Variants in CPT1C observed in about 807,000 individuals in gnomAD.
CPT1C encodes the protein palmitoyl thioesterase CPT1C.
In CPT1C, 61 loss-of-function variants were observed where a neutral mutation model predicts 97.3. The ratio of observed to expected loss-of-function variants is 0.63; its 90% CI spans 0.51 to 0.78. CPT1C has a LOEUF of 0.78. CPT1C is among the 30% of genes least tolerant of loss of function. The pLI is 0.00. For synonymous variants in CPT1C, 469 were observed against 447.2 expected, an observed-to-expected ratio of 1.05 and a Z score of -0.61; for missense variants, 975 against 1,065.5, an observed-to-expected ratio of 0.92 and a Z score of 1.18.
chr19:49,701,870 GTA>G (rs1350748839), intron 7 of CPT1C, among the ~76,000 whole-genome samples: 1 of 105,570 alleles, frequency 9.5e-6, no homozygotes, highest in Non-Finnish European at 1.9e-5. Context: ...AATATATAGT[GTA>G]TATATAAATA....
At chr19:49,711,461 A>C (rs1023461555) in intron 16 of CPT1C, 1 of 245,056 alleles carries the variant, frequency 4.1e-6, no homozygotes, top group Non-Finnish European at 7.9e-6. Context: ...GTGACTTGTG[A>C]CCTTCCTTTG....
At position 49,706,332 on chromosome 19, in the gene CPT1C, C is replaced by T. The variant is rs1259562071; in HGVS notation, c.1262C>T (p.Pro421Leu). The part of the protein sequence containing the change: ...AAFFVSLDAE[P>L]AGLTREDPAA... The stretch of plus-strand genomic sequence containing the variant: ...TTCTTTGTGTCACTGGATGCTGAGC[C>T]CGCGGGGCTCACCAGGGAGGACCCG... The change falls in exon 12 of 20, where the codon CCC (proline) becomes CTC (leucine). Residue 421 changes from proline to leucine, a missense_variant. Pro to Leu is a moderately conservative substitution (Grantham distance 98). This residue lies in a region of CPT1C where 596 missense variants were observed against 603.1 expected (regional missense o/e 0.99). Transcript: ENST00000598293. This position sits in a 1 kb window ranked among gnomAD's most constrained non-coding sequence, Gnocchi z 4.8. The T allele has an allele frequency of 2.0e-6, 3 of 1,528,596 alleles. No individual in the cohort carries two copies. Among genetic ancestry groups the T allele is most frequent in the Non-Finnish European group, 2.6e-6 (3 of 1,143,006 alleles). The allele number at this position is 1,528,596 out of a possible 1,614,324, so 94.7% of individuals were successfully genotyped here.
chr19:49,710,612 A>G (rs2083806237), intron 15 of CPT1C, 111 bp from the exon 16 acceptor site: 2 of 1,563,310 alleles, frequency 1.3e-6, no homozygotes, highest in Non-Finnish European at 1.8e-6. Flanking sequence ...CTCTCTTCCA[A>G]CCATTCTTGG....
Position 49,701,641 on chromosome 19 carries a change from C to T in CPT1C, c.693+7C>T, listed in dbSNP as rs775067676. On this transcript the variant is annotated splice_region_variant and intron_variant, in intron 7 of 19. Coordinates refer to ENST00000598293, the MANE Select transcript of CPT1C (RefSeq NM_001199753.2). ...CTGGTGGGCGTCCAATTATGTGAGT[C>T]CCGCCACCGCCACCAACGCCCCACC... is the stretch of plus-strand genomic sequence containing the variant. The T allele has an allele frequency of 1.9e-6, 3 of 1,587,962 alleles. No individual in the cohort carries two copies. Among genetic ancestry groups the T allele is most frequent in the South Asian group, 1.1e-5 (1 of 89,730 alleles).
chr19:49,704,909 C>T, intron 8 of CPT1C, 98 bp from the exon 9 acceptor site: 2 of 1,401,158 alleles, frequency 1.4e-6, no homozygotes, highest in Non-Finnish European at 2.0e-6. Flanking sequence ...TTCATCATTC[C>T]ACCCTCTTTT....
At chr19:49,705,192 C>T in intron 9 of CPT1C, 22 bp from the exon 10 acceptor site, 3 of 1,614,076 alleles carry the variant, frequency 1.9e-6, no homozygotes, top group Non-Finnish European at 2.5e-6. Flanking sequence ...GAAGGCAGCT[C>T]ACAGCCCACG....
chr19:49,710,292 C>G (rs1384974797), intron 14 of CPT1C, 28 bp from the exon 15 acceptor site: 3 of 1,610,084 alleles, frequency 1.9e-6, no homozygotes, highest in Non-Finnish European at 1.7e-6. Flanking sequence ...GTAACCCCAA[C>G]TACTCCTCTT....
At chr19:49,701,716 C>T in intron 7 of CPT1C, 82 bp downstream of exon 7, 1 of 1,443,260 alleles carries the variant, frequency 6.9e-7, no homozygotes. Flanking sequence ...AGTTATACGC[C>T]CTGCCCCACG....
In CPT1C at chr19:49,706,394, G is replaced by C; in HGVS notation, c.1324G>C (p.Ala442Pro). The C allele has an allele frequency of 6.7e-7, 1 of 1,493,942 alleles. No homozygotes were observed. The highest frequency in any genetic ancestry group is 8.9e-7 in the Non-Finnish European group (1 of 1,129,724). 92.5% of individuals were successfully genotyped at this position (1,493,942 alleles called of 1,614,324 possible). ...GGATGCCTACGCCCATGCTCTGCTG[G>C]CCGGCCGGGGCCATGATCGGTGAGT... ...SLDAYAHALL[A>P]GRGHDRWFDK... The change falls in exon 12 of 20, where the codon GCC becomes CCC. Residue 442 changes from alanine (A) to proline (P), a missense_variant. Around this residue, in one of 3 missense-constraint regions of CPT1C, gnomAD observed 596 missense variants for 603.1 expected, o/e 0.99. Transcript: ENST00000598293. The surrounding 1 kb of genome is among the most constrained non-coding windows in gnomAD (Gnocchi z 4.8).
chr19:49,708,778 A>G lies in CPT1C; in HGVS notation c.1505A>G (p.Lys502Arg), dbSNP rs776048775. ...QLGYSTDGHC[K>R]GHPDPTLPQP... is the part of the protein sequence containing the mutation. The stretch of plus-strand genomic sequence containing the variant: ...GGCTACTCAACAGACGGCCACTGCA[A>G]GGGGCACCCGGACCCCACACTACCC... Residue 502 changes from lysine to arginine, a missense_variant, in exon 14 of 20, where the codon AAG becomes AGG. Lys to Arg is a conservative substitution (Grantham distance 26). Transcript: ENST00000598293. 3.1e-5 allele frequency: 50 copies of G among 1,613,908 alleles called. No individual in the cohort carries two copies. The highest frequency in any genetic ancestry group is 4.2e-5 in the Non-Finnish European group (49 of 1,179,992).
chr19:49,700,602 C>A, intron 4 of CPT1C, 82 bp from the exon 5 acceptor site: 1 of 1,478,716 alleles, frequency 6.8e-7, no homozygotes, highest in East Asian at 2.3e-5. Context: ...AAAAGATCAG[C>A]GCAGGGGCTG....
Position 49,701,718 on chromosome 19 carries a change from T to C in CPT1C, c.693+84T>C, listed in dbSNP as rs1269325229. 1.2e-5 allele frequency: 17 copies of C among 1,439,180 alleles called. No homozygotes were observed. The East Asian group carries it at 4.1e-4, about 35-fold the overall frequency. 89.2% of individuals were successfully genotyped at this position (1,439,180 alleles called of 1,614,324 possible). ...TGCTAAACTTGCGAGTTATACGCCC[T>C]GCCCCACGACACGCCCACAACCCAC... On this transcript the variant is annotated intron_variant, in intron 7 of 19. Coordinates refer to ENST00000598293, the MANE Select transcript of CPT1C (RefSeq NM_001199753.2).
chr19:49,713,674 A>G lies in CPT1C; in HGVS notation c.*69A>G, dbSNP rs1166570777. 4.1e-6 allele frequency: 6 copies of G among 1,466,726 alleles called. No individual in the cohort carries two copies. The highest frequency in any genetic ancestry group is 5.6e-6 in the Non-Finnish European group (6 of 1,077,802). The allele number at this position is 1,466,726 out of a possible 1,614,324, so 90.9% of individuals were successfully genotyped here. A position where few individuals can be genotyped will look rare whatever the true frequency, so the allele number is the denominator to read the frequency against. The stretch of plus-strand genomic sequence containing the variant: ...AATTGCCACAGCTGGCTGACACAGG[A>G]CAGGGGCAACTGGTTTGGCAACCCC... On this transcript the variant is annotated 3_prime_UTR_variant, in exon 20 of 20. Coordinates refer to ENST00000598293, the MANE Select transcript of CPT1C (RefSeq NM_001199753.2).
chr19:49,695,346 T>C (rs1026698781), intron 3 of CPT1C, among the ~76,000 whole-genome samples: 9 of 147,732 alleles, frequency 6.1e-5, no homozygotes, highest in Non-Finnish European at 1.3e-4. Flanking sequence ...TGCAATGGCA[T>C]GATCTTGGCT....
At position 49,713,475 on chromosome 19, in the gene CPT1C, T is replaced by G; in HGVS notation, c.2282T>G (p.Leu761Arg). 6.2e-7 allele frequency: 1 copy of G among 1,614,216 alleles called. No individual in the cohort carries two copies. The highest frequency in any genetic ancestry group is 8.5e-7 in the Non-Finnish European group (1 of 1,180,032). The stretch of plus-strand genomic sequence containing the variant: ...GACGCACTGCTGGATGTGGCCTCCC[T>G]GTTCCAGGCGGGACAGCATTTTAAG... ...IEDALLDVAS[L>R]FQAGQHFKRR... The change falls in exon 20 of 20, where the codon CTG becomes CGG. Residue 761 changes from leucine (L) to arginine (R), a missense_variant. Coordinates refer to ENST00000598293, the MANE Select transcript of CPT1C (RefSeq NM_001199753.2).
At chr19:49,704,189 G>A (rs1165010223) in intron 7 of CPT1C, among the ~76,000 whole-genome samples, 1 of 151,746 alleles carries the variant, frequency 6.6e-6, no homozygotes, top group South Asian at 2.1e-4. Context: ...TTTTTTGGGG[G>A]GGACGGAGTT....
At position 49,701,605 on chromosome 19, in the gene CPT1C, C is replaced by A. The variant is rs1477576811; in HGVS notation, c.664C>A (p.Arg222=). ...LQASLLQWYL[R]LKSWWASNYV... is the part of the protein sequence containing the mutation. The stretch of plus-strand genomic sequence containing the variant: ...GGCGTCGCTGCTGCAGTGGTACCTG[C>A]GGCTCAAGTCCTGGTGGGCGTCCAA... The change falls in exon 7 of 20, where the codon CGG becomes AGG. Residue 222 remains arginine (R), a synonymous_variant. Coordinates refer to ENST00000598293, the MANE Select transcript of CPT1C (RefSeq NM_001199753.2). 6 of 1,608,104 alleles carry A rather than the reference C, an allele frequency of 3.7e-6. No homozygotes were observed. The Admixed American group carries it at 8.4e-5, about 22-fold the overall frequency.
chr19:49,711,881 G>C lies in CPT1C; in HGVS notation c.1939G>C (p.Gly647Arg). The change falls in exon 17 of 20, where the codon GGG becomes CGG. Residue 647 changes from glycine to arginine, a missense_variant. By Grantham distance (125) the Gly-to-Arg change is moderately radical (BLOSUM62 -2). Transcript: ENST00000598293. ...GGCTCTGCTGAAGGCAGCCATGAGC[G>C]GGCAGGGAGTTGACCGCCACCTGTT... ...HQALLKAAMSGQGVDRHLFAL... is the reference protein window; with the variant it reads ...HQALLKAAMSRQGVDRHLFAL... 1.2e-6 allele frequency: 2 copies of C among 1,614,118 alleles called. No homozygotes were observed. Among genetic ancestry groups the C allele is most frequent in the Non-Finnish European group, 1.7e-6 (2 of 1,180,034 alleles).
chr19:49,705,880 C>A (rs1394127282), intron 10 of CPT1C, 29 bp from the exon 11 acceptor site: 3 of 1,590,316 alleles, frequency 1.9e-6, no homozygotes, highest in Non-Finnish European at 2.6e-6. Flanking sequence ...GCCTTCCTGC[C>A]CCCATGCTTC....
Sources: gnomAD v4.1 joint callset for allele counts (sites outside exome capture counted in the v4.1 genomes callset) on GRCh38, gnomAD v4.1.1 for gene constraint, gnomAD v4.1.1 regional missense constraint, Gnocchi (gnomAD v3.1) non-coding constraint, MANE v1.5 for transcripts, NCBI Gene and HGNC (gene_info 2026-07-23, HGNC 2026-07-21) for gene names.